The following YKT6 variants were observed in gnomAD, a reference collection of about 807,000 sequenced individuals.
YKT6 encodes the protein YKT6 vesicular SNARE protein, also known as synaptobrevin homolog YKT6.
Under a neutral mutation model 29.3 loss-of-function variants are expected in YKT6, and 12 were observed. The observed-to-expected ratio is 0.41, with a 90% CI of 0.26 to 0.66. The LOEUF is 0.66. Ranked by LOEUF, YKT6 falls within the 30% of genes least tolerant of loss-of-function variation. The pLI is 0.32. For synonymous variants in YKT6, 86 were observed against 94.3 expected (o/e 0.91, Z 0.51); for missense variants, 188 against 243.8 (o/e 0.77, Z 1.52).
At chr7:44,202,700 C>T (rs2096337097) in intron 1 of YKT6, among the ~76,000 whole-genome samples, 3 of 152,202 alleles carry the variant, frequency 2.0e-5, no homozygotes. Context: ...CACATTTCAG[C>T]CATTGTGAAT....
chr7:44,203,497 T>C (rs1188107540), intron 1 of YKT6, among the ~76,000 whole-genome samples: 2 of 152,242 alleles, frequency 1.3e-5, no homozygotes, highest in Non-Finnish European at 2.9e-5. Context: ...TTGGTCTTTG[T>C]ATACATGCTG....
intron 6 of YKT6, 129 bp downstream of exon 6, chr7:44,211,253 T>C (rs2096346548): frequency 2.2e-6 from 2 of 906,742 alleles, no homozygotes; most frequent in Non-Finnish European, 3.3e-6. Flanking sequence ...TGATTCCTTG[T>C]GCGGCAAGAG....
rs945900058 is a variant in YKT6, at chr7:44,203,958, C to CCTT, written c.105-607_105-605dup. Reference sequence around the variant, plus strand: ...ATCTCTCTGTTGAGCCCATGATGGACCTTCTCCCTTTCACCCTTTGTATGA... The same window carrying CCTT: ...ATCTCTCTGTTGAGCCCATGATGGACCTTCTTCTCCCTTTCACCCTTTGTATGA... On this transcript the variant is annotated intron_variant, in intron 1 of 6. Transcript: ENST00000223369. 7.9e-4 allele frequency among the ~76,000 whole-genome samples: 120 copies of CCTT among 152,274 alleles called. 1 individual carries two copies. Among genetic ancestry groups the CCTT allele is most frequent in the African/African-American group, 2.6e-3 (109 of 41,554 alleles).
At chr7:44,201,806 T>G (rs1016972827) in intron 1 of YKT6, among the ~76,000 whole-genome samples, 1 of 152,210 alleles carries the variant, frequency 6.6e-6, no homozygotes, top group Non-Finnish European at 1.5e-5. Flanking sequence ...ATATACTTTT[T>G]TTTGTTTGTT....
chr7:44,204,790 T>C, intron 2 of YKT6, 140 bp downstream of exon 2: 1 of 747,310 alleles, frequency 1.3e-6, no homozygotes, highest in East Asian at 2.7e-5. Flanking sequence ...TTCCTTTTCC[T>C]ATTTATGCAG....
intron 1 of YKT6, among the ~76,000 whole-genome samples, chr7:44,202,065 A>G (rs756059510): frequency 1.3e-5 from 2 of 152,222 alleles, no homozygotes; most frequent in Non-Finnish European, 2.9e-5. Context: ...GGGGTGACTC[A>G]GGCACGAAAG....
chr7:44,202,348 T>A (rs908409219), intron 1 of YKT6, among the ~76,000 whole-genome samples: 1 of 152,230 alleles, frequency 6.6e-6, no homozygotes, highest in South Asian at 2.1e-4. Context: ...TGCATTGATA[T>A]GAAATAGATT....
At chr7:44,211,539 A>G in intron 6 of YKT6, 1 of 1,008,410 alleles carries the variant, frequency 9.9e-7, no homozygotes, top group Non-Finnish European at 1.2e-6. Flanking sequence ...TAAGCTTTTA[A>G]TTTCCCTTTG....
At chr7:44,202,095 C>T (rs1583643616) in intron 1 of YKT6, among the ~76,000 whole-genome samples, 1 of 152,152 alleles carries the variant, frequency 6.6e-6, no homozygotes, top group East Asian at 1.9e-4. Flanking sequence ...CCTACATGGT[C>T]GGTATCTATG....
chr7:44,211,037 GTC>G lies in YKT6; in HGVS notation c.478_479del (p.Leu160ValfsTer5), dbSNP rs1271953504. 1 of 1,613,924 alleles carries G rather than the reference GTC, an allele frequency of 6.2e-7. No individual in the cohort carries two copies. The highest frequency in any genetic ancestry group is 8.5e-7 in the Non-Finnish European group (1 of 1,180,026). Reference sequence around the variant, plus strand: ...TTTTTGTCCAGCACAACACCATGGAGTCTCTGTTAGAGCGAGGTGAGAAGCTA... The same window carrying G: ...TTTTTGTCCAGCACAACACCATGGAGTCTGTTAGAGCGAGGTGAGAAGCTA... ...TKIILHNTME[S>X]LLERGEKLDD... On this transcript the variant is annotated frameshift_variant, in exon 6 of 7. Transcript: ENST00000223369. LOFTEE classifies it high-confidence loss of function.
At chr7:44,210,179 A>T (rs1000993699) in intron 5 of YKT6, among the ~76,000 whole-genome samples, 2 of 152,168 alleles carry the variant, frequency 1.3e-5, no homozygotes, top group African/African-American at 4.8e-5. Context: ...GACTTGCCTC[A>T]CATCAAGTGC....
chr7:44,201,308 G>A, intron 1 of YKT6, 69 bp downstream of exon 1: 1 of 1,407,630 alleles, frequency 7.1e-7, no homozygotes, highest in Non-Finnish European at 9.8e-7. Context: ...CCGAGTCGGA[G>A]TGGGCCTGGG....
chr7:44,206,885 A>T (rs2096341432), intron 3 of YKT6, among the ~76,000 whole-genome samples: 1 of 152,180 alleles, frequency 6.6e-6, no homozygotes, highest in Admixed American at 6.5e-5. Flanking sequence ...CACAGAGCTT[A>T]GCACCTAAGC....
intron 5 of YKT6, 147 bp downstream of exon 5, chr7:44,208,345 C>A: frequency 1.3e-6 from 1 of 799,700 alleles, no homozygotes; most frequent in Non-Finnish European, 2.0e-6. Context: ...CTTCCCCCAC[C>A]CCGGGCATCA....
chr7:44,202,197 A>G (rs1002151169), intron 1 of YKT6, among the ~76,000 whole-genome samples: 4 of 152,034 alleles, frequency 2.6e-5, no homozygotes, highest in South Asian at 4.2e-4. Context: ...GTTCTTTGCC[A>G]AGGACTTGCT....
chr7:44,205,920 G>T (rs554055532), intron 2 of YKT6, among the ~76,000 whole-genome samples: 1 of 152,296 alleles, frequency 6.6e-6, no homozygotes, highest in South Asian at 2.1e-4. Context: ...GGCCCTGGGG[G>T]GTAATTTCCT....
In YKT6 at chr7:44,201,053, C is replaced by T. The variant is rs1184933225; in HGVS notation, c.-83C>T. On this transcript the variant is annotated 5_prime_UTR_variant, in exon 1 of 7. Coordinates refer to ENST00000223369, the MANE Select transcript of YKT6 (RefSeq NM_006555.4). ...CTGCTGAGAGGCCGGTAGGCGGCGG[C>T]GGTCCCGAGGGGCGGCGGCCGCGCT... is the stretch of plus-strand genomic sequence containing the variant. 2.5e-6 allele frequency: 3 copies of T among 1,222,596 alleles called. No individual in the cohort carries two copies. Among genetic ancestry groups the T allele is most frequent in the Admixed American group, 3.2e-5 (1 of 31,366 alleles). The allele number at this position is 1,222,596 out of a possible 1,614,324, so 75.7% of individuals were successfully genotyped here.
At chr7:44,201,332 T>C (rs1300388112) in intron 1 of YKT6, 93 bp downstream of exon 1, 3 of 520,062 alleles carry the variant, frequency 5.8e-6, no homozygotes, top group Non-Finnish European at 8.2e-6. Flanking sequence ...GGCGGAGGGA[T>C]GAGGGGAGGG....
chr7:44,208,612 C>T (rs542355432), intron 5 of YKT6: 7 of 183,450 alleles, frequency 3.8e-5, no homozygotes, highest in South Asian at 2.2e-4. Context: ...ATTGAAGCAC[C>T]GTGCACTGAC....
Sources: gnomAD v4.1 joint callset for allele counts (sites outside exome capture counted in the v4.1 genomes callset) on GRCh38, gnomAD v4.1.1 for gene constraint, MANE v1.5 for transcripts, NCBI Gene and HGNC (gene_info 2026-07-23, HGNC 2026-07-21) for gene names.